RPL28: variants seen among roughly 807,000 people sequenced by gnomAD.
The protein encoded by RPL28 is ribosomal protein L28, also known as large ribosomal subunit protein eL28.
Under a neutral mutation model 12.5 loss-of-function variants are expected in RPL28, and 4 were observed. The ratio of observed to expected loss-of-function variants is 0.32; its 90% CI spans 0.16 to 0.73. The LOEUF is 0.73. Among genes scored for constraint, RPL28 ranks in the 30% least tolerant of loss-of-function variants. The pLI, the probability that RPL28 is intolerant of heterozygous loss-of-function variation, is 0.66. For synonymous variants in RPL28, 91 were observed against 72.5 expected, an observed-to-expected ratio of 1.26 and a Z score of -1.30; for missense variants, 214 against 197.7, an observed-to-expected ratio of 1.08 and a Z score of -0.49.
downstream of RPL28, among the ~76,000 whole-genome samples, chr19:55,393,255 C>A (rs868295843): frequency 1.3e-3 from 176 of 130,750 alleles, 3 homozygotes; most frequent in East Asian, 0.012. Flanking sequence ...CCCCCCCCCC[C>A]CCCCGACCCC....
downstream of RPL28, among the ~76,000 whole-genome samples, chr19:55,395,666 A>G (rs1200383117): frequency 1.4e-5 from 2 of 145,496 alleles, no homozygotes; most frequent in African/African-American, 5.1e-5. Context: ...GATGGTCTCA[A>G]TCTCCTGACC....
intron 1 of RPL28, 40 bp from the exon 2 acceptor site, chr19:55,386,310 C>A: frequency 1.3e-6 from 2 of 1,593,338 alleles, no homozygotes; most frequent in Middle Eastern, 1.9e-4. Context: ...TGCTTTAGTT[C>A]TCTGTGTCTG....
At chr19:55,396,711 A>G (rs1234115137), downstream of RPL28, among the ~76,000 whole-genome samples, 32 of 141,834 alleles carry the variant, frequency 2.3e-4, no homozygotes, top group Admixed American at 1.1e-3. Context: ...CTCCCGAGTA[A>G]CTGGGACTAC....
Position 55,391,927 on chromosome 19 carries a change from G to C in RPL28, c.*3595G>C. On this transcript the variant is annotated 3_prime_UTR_variant, in exon 5 of 5. Coordinates refer to ENST00000344063, the MANE Select transcript of RPL28 (RefSeq NM_000991.5). ...CTCCAGGTCTGCCCCGCCGTCCTGT[G>C]GGGCTGTGAGCTTTCCCAGCCTCCT... The C allele has an allele frequency of 7.8e-7, 1 of 1,276,344 alleles. No individual in the cohort carries two copies. The allele number at this position is 1,276,344 out of a possible 1,614,324, so 79.1% of individuals were successfully genotyped here.
intron 3 of RPL28, chr19:55,387,486 C>T: frequency 2.1e-6 from 3 of 1,461,146 alleles, no homozygotes; most frequent in Non-Finnish European, 2.7e-6. Context: ...TTGCCGAATA[C>T]ATGGGTGGCC....
downstream of RPL28, among the ~76,000 whole-genome samples, chr19:55,392,275 G>A (rs1020075965): frequency 3.9e-5 from 6 of 152,250 alleles, no homozygotes; most frequent in East Asian, 1.9e-4. Flanking sequence ...ACTGTTGCCT[G>A]GGTTGGAGTG....
chr19:55,400,473 G>A (rs1030279043), intron 4 of RPL28: 1 of 152,182 alleles, frequency 6.6e-6, no homozygotes, highest in Non-Finnish European at 1.5e-5. Context: ...TTACCCCTGT[G>A]ATTTAGTCAT....
chr19:55,395,507 C>G (rs147687915), downstream of RPL28, among the ~76,000 whole-genome samples: 7,754 of 149,176 alleles, frequency 0.052, 279 homozygotes, highest in Middle Eastern at 0.1. Flanking sequence ...GCAGTGGCGC[C>G]ATCTCGGCTC....
chr19:55,389,700 GCC>G lies in RPL28; in HGVS notation c.*1371_*1372del, dbSNP rs1231544422. 1.0e-5 allele frequency: 10 copies of G among 985,478 alleles called. No individual in the cohort carries two copies. In the African/African-American group the frequency reaches 1.6e-4, roughly 15 times the overall value. 61.0% of individuals were successfully genotyped at this position (985,478 alleles called of 1,614,324 possible). A position where few individuals can be genotyped will look rare whatever the true frequency, so the allele number is the denominator to read the frequency against. Reference sequence around the variant, plus strand: ...GGAGAGCAGATCTGACCACTTGCCAGCCCCTGTCTGCTGTGAATTACCATTTC... The same window carrying G: ...GGAGAGCAGATCTGACCACTTGCCAGCCTGTCTGCTGTGAATTACCATTTC... On this transcript the variant is annotated 3_prime_UTR_variant, in exon 5 of 5. Transcript: ENST00000344063.
chr19:55,399,189 C>CA (rs1382648611), intron 4 of RPL28, among the ~76,000 whole-genome samples: 1 of 151,054 alleles, frequency 6.6e-6, no homozygotes, highest in African/African-American at 2.4e-5. Flanking sequence ...TTCTTTGAGA[C>CA]AGAGTCTCGC....
At chr19:55,387,524 T>TTTTCA in intron 3 of RPL28, 1 of 1,438,288 alleles carries the variant, frequency 7.0e-7, no homozygotes. Context: ...CTGGCCTGAG[T>TTTTCA]GAGGCTGGGC....
Position 55,390,579 on chromosome 19 carries a change from C to T in RPL28, c.*2247C>T. The T allele has an allele frequency of 2.0e-6, 2 of 985,764 alleles. No homozygotes were observed. The highest frequency in any genetic ancestry group is 1.1e-4 in the East Asian group (1 of 8,826). The allele number at this position is 985,764 out of a possible 1,614,324, so 61.1% of individuals were successfully genotyped here. ...TGGAGGCTTGTGCCTCTAGGCCCCA[C>T]CCCCTGTGGAGTCCTGCTGGCTTTC... On this transcript the variant is annotated 3_prime_UTR_variant, in exon 5 of 5. Transcript: ENST00000344063.
chr19:55,400,158 T>C (rs73932626), intron 4 of RPL28: 11,508 of 152,238 alleles, frequency 0.076, 527 homozygotes, highest in African/African-American at 0.12. Flanking sequence ...TCCACTCTCC[T>C]ATGGGTCAGA....
chr19:55,399,216 G>A (rs559824836), intron 4 of RPL28, among the ~76,000 whole-genome samples: 4 of 152,222 alleles, frequency 2.6e-5, no homozygotes, highest in Admixed American at 2.6e-4. Context: ...ACCCAGGCTG[G>A]AGTGCAGTGG....
downstream of RPL28, chr19:55,403,300 T>A (rs1233637091): frequency 7.0e-6 from 4 of 570,258 alleles, no homozygotes; most frequent in African/African-American, 7.5e-5. Context: ...AAAAAGCCTC[T>A]AATGAGACCC....
At chr19:55,386,275 C>A (rs564795971) in intron 1 of RPL28, 75 bp from the exon 2 acceptor site, 1 of 1,393,730 alleles carries the variant, frequency 7.2e-7, no homozygotes, top group African/African-American at 1.4e-5. Flanking sequence ...CCTCTGCTGT[C>A]CGAGCGTGGC....
In RPL28 at chr19:55,387,203, G is replaced by A. The variant is rs1297327457; in HGVS notation, c.205+510G>A. 5 of 1,420,944 alleles carry A rather than the reference G, an allele frequency of 3.5e-6. No homozygotes were observed. In the African/African-American group the frequency reaches 4.3e-5, roughly 12 times the overall value. The allele number at this position is 1,420,944 out of a possible 1,614,324, so 88.0% of individuals were successfully genotyped here. A position where few individuals can be genotyped will look rare whatever the true frequency, so the allele number is the denominator to read the frequency against. On this transcript the variant is annotated intron_variant, in intron 3 of 4. Transcript: ENST00000344063. Reference sequence around the variant, plus strand: ...GTGCAGGCCTTTTTGGGGATTCCCTGAATGTTCGTGTGAGTCGGGGGTCTC... The same window carrying A: ...GTGCAGGCCTTTTTGGGGATTCCCTAAATGTTCGTGTGAGTCGGGGGTCTC...
downstream of RPL28, chr19:55,392,089 T>C: frequency 1.0e-6 from 1 of 1,000,664 alleles, no homozygotes. Flanking sequence ...TTTAAAATCT[T>C]TCATTATGAA....
At chr19:55,396,641 G>C (rs1177225767), downstream of RPL28, among the ~76,000 whole-genome samples, 4 of 135,252 alleles carry the variant, frequency 3.0e-5, no homozygotes, top group East Asian at 9.6e-4. Flanking sequence ...ACCCAGGCTG[G>C]AGTGCAGTGG....
Sources: gnomAD v4.1 joint callset for allele counts (sites outside exome capture counted in the v4.1 genomes callset) on GRCh38, gnomAD v4.1.1 for gene constraint, MANE v1.5 for transcripts, NCBI Gene and HGNC (gene_info 2026-07-23, HGNC 2026-07-21) for gene names.